Variants in RPS6KA2 observed in about 807,000 individuals in gnomAD.
The protein encoded by RPS6KA2 is ribosomal protein S6 kinase A2, also known as ribosomal protein S6 kinase alpha-2.
A neutral mutation model predicts 91.8 loss-of-function variants in RPS6KA2; 42 were observed. The ratio of observed to expected loss-of-function variants is 0.46; its 90% CI spans 0.36 to 0.59. The LOEUF (loss-of-function observed/expected upper bound fraction) is 0.59, where lower values mean the gene tolerates loss of function less well. Ranked by LOEUF, RPS6KA2 falls within the 20% of genes least tolerant of loss-of-function variation. RPS6KA2 has a pLI of 0.00. For synonymous variants in RPS6KA2, 414 were observed against 393.6 expected (o/e 1.05, Z -0.61); for missense variants, 798 against 978.5 (o/e 0.82, Z 2.46).
At chr6:166,606,014 T>TGA (rs1464369376) in intron 1 of RPS6KA2, among the ~76,000 whole-genome samples, 1 of 152,218 alleles carries the variant, frequency 6.6e-6, no homozygotes, top group African/African-American at 2.4e-5. Flanking sequence ...CAAAGCACCT[T>TGA]GATGAGTGTC....
At chr6:166,565,515 G>A (rs915984038) in intron 1 of RPS6KA2, among the ~76,000 whole-genome samples, 8 of 152,210 alleles carry the variant, frequency 5.3e-5, no homozygotes, top group Admixed American at 5.2e-4. Flanking sequence ...TGCCATCCAC[G>A]CTAGGGAACA....
Position 166,779,106 on chromosome 6 carries a change from C to T in RPS6KA2, c.123+79094G>A, listed in dbSNP as rs79593942. On this transcript the variant is annotated intron_variant, in intron 2 of 21. Coordinates refer to the RPS6KA2 transcript ENST00000503859. ...GGTGCGAGCTTTCTCACTGGCACTG[C>T]TTCAAAGATCAAAACATTGAACGTA... is the stretch of plus-strand genomic sequence containing the variant. 3.4e-4 allele frequency among the ~76,000 whole-genome samples: 52 copies of T among 152,330 alleles called. No homozygotes were observed. The East Asian group carries it at 8.1e-3, about 24-fold the overall frequency.
Position 166,563,117 on chromosome 6 carries a change from C to G in RPS6KA2, c.100-24333G>C, listed in dbSNP as rs1784391327. Reference sequence around the variant, plus strand: ...GTCCCTTCCAGTGTGTGGAAGAGATCCAGCCTGCAATGACTGGAGGGTGGG... The same window carrying G: ...GTCCCTTCCAGTGTGTGGAAGAGATGCAGCCTGCAATGACTGGAGGGTGGG... On this transcript the variant is annotated intron_variant, in intron 1 of 20. Transcript: ENST00000265678. This position sits in a 1 kb window ranked among gnomAD's most constrained non-coding sequence, Gnocchi z 4.1. 6.6e-6 allele frequency among the ~76,000 whole-genome samples: 1 copy of G among 152,178 alleles called. No individual in the cohort carries two copies. Among genetic ancestry groups the G allele is most frequent in the Admixed American group, 6.5e-5 (1 of 15,284 alleles).
rs1408796769 is a variant in RPS6KA2 at position 166,469,887 on chromosome 6, A to G, written c.926T>C (p.Val309Ala). The change falls in exon 11 of 21, where the codon GTG becomes GCG. Residue 309 changes from valine (V) to alanine (A), a missense_variant. Transcript: ENST00000265678. Reference sequence around the variant, plus strand: ...GAAGGGATGGCGCTTAATTTCCTCCACTCCGTCAATGCCAGCACCTGTCAA... The same window carrying G: ...GAAGGGATGGCGCTTAATTTCCTCCGCTCCGTCAATGCCAGCACCTGTCAA... ...CNRLGAGIDG[V>A]EEIKRHPFFV... 1 of 1,614,046 alleles carries G rather than the reference A, an allele frequency of 6.2e-7. No individual in the cohort carries two copies. Among genetic ancestry groups the G allele is most frequent in the East Asian group, 2.2e-5 (1 of 44,892 alleles).
intron 2 of RPS6KA2, among the ~76,000 whole-genome samples, chr6:166,691,600 G>A (rs16899301): frequency 0.08 from 12,117 of 152,022 alleles, 565 homozygotes; most frequent in Non-Finnish European, 0.11. Flanking sequence ...AGGGAGCTCC[G>A]ACCCTCTCCG....
chr6:166,537,463 G>A (rs187255502), intron 2 of RPS6KA2, among the ~76,000 whole-genome samples: 45 of 152,332 alleles, frequency 3.0e-4, no homozygotes, highest in Non-Finnish European at 5.1e-4. Context: ...ATATCAACTA[G>A]CCATATTAAA....
At chr6:166,793,210 C>A (rs1333059391) in intron 2 of RPS6KA2, among the ~76,000 whole-genome samples, 1 of 151,830 alleles carries the variant, frequency 6.6e-6, no homozygotes, top group African/African-American at 2.4e-5. Context: ...ACACCAATAA[C>A]AGACAAACAG....
rs9356489 is a variant in RPS6KA2 at position 166,494,642 on chromosome 6, C to T, written c.747+3866G>A. ...CACGCAGCCGGCCACCAGGTTTGCA[C>T]GTTCTTCTCCAGGTACCAGCTCCTA... On this transcript the variant is annotated intron_variant, in intron 8 of 20. Transcript: ENST00000265678. This position sits in a 1 kb window ranked among gnomAD's most constrained non-coding sequence, Gnocchi z 5.1. Among the ~76,000 whole-genome samples the T allele has an allele frequency of 0.031, 4,695 of 152,282 alleles. 138 individuals are homozygous for T. The highest frequency in any genetic ancestry group is 0.072 in the African/African-American group (2,988 of 41,544).
chr6:166,793,062 A>G (rs966041543), intron 2 of RPS6KA2, among the ~76,000 whole-genome samples: 3 of 151,946 alleles, frequency 2.0e-5, no homozygotes, highest in African/African-American at 4.8e-5. Context: ...AGGAAGTCAA[A>G]TTGTCCCTGT....
intron 1 of RPS6KA2, among the ~76,000 whole-genome samples, chr6:166,541,445 C>T (rs1231713479): frequency 6.6e-6 from 1 of 152,202 alleles, no homozygotes; most frequent in Non-Finnish European, 1.5e-5. Flanking sequence ...TCATGCAGTC[C>T]CATGGGTCCT....
intron 16 of RPS6KA2, among the ~76,000 whole-genome samples, chr6:166,424,556 G>A (rs1452556844): frequency 2.0e-5 from 3 of 152,242 alleles, no homozygotes; most frequent in Non-Finnish European, 2.9e-5. Context: ...CTGGGACCAA[G>A]AGCACTGCCT....
At chr6:166,861,472 C>T (rs1583187727) in intron 1 of RPS6KA2, among the ~76,000 whole-genome samples, 1 of 152,308 alleles carries the variant, frequency 6.6e-6, no homozygotes, top group South Asian at 2.1e-4. Context: ...CAGAGGTTTG[C>T]GTGTCCCCAG....
chr6:166,758,787 A>G (rs968880742), intron 2 of RPS6KA2, among the ~76,000 whole-genome samples: 3 of 152,258 alleles, frequency 2.0e-5, no homozygotes, highest in Non-Finnish European at 2.9e-5. Context: ...TGAAATGGAC[A>G]GAAATGACCT....
rs1183190791 is a variant in RPS6KA2 at position 166,639,332 on chromosome 6, C to T, written c.124-100548G>A. On this transcript the variant is annotated intron_variant, in intron 2 of 21. Transcript: ENST00000503859. The surrounding 1 kb of genome is among the most constrained non-coding windows in gnomAD (Gnocchi z 4.2). ...AGTTACTGAGATTTGTCAACTGTGC[C>T]TTCTACATGTTTTCCCCGTCTTGCC... Among the ~76,000 whole-genome samples, 2 of 152,172 alleles carry T rather than the reference C, an allele frequency of 1.3e-5. No individual in the cohort carries two copies. Among genetic ancestry groups the T allele is most frequent in the African/African-American group, 4.8e-5 (2 of 41,436 alleles).
chr6:166,806,523 AT>A (rs553507229), intron 2 of RPS6KA2, among the ~76,000 whole-genome samples: 203 of 152,348 alleles, frequency 1.3e-3, no homozygotes, highest in African/African-American at 4.7e-3. Context: ...AGAATTCTAT[AT>A]TCAGCAAAAC....
At chr6:166,842,028 C>G (rs1780494405) in intron 2 of RPS6KA2, among the ~76,000 whole-genome samples, 1 of 152,048 alleles carries the variant, frequency 6.6e-6, no homozygotes, top group South Asian at 2.1e-4. Flanking sequence ...GCAGGGAGGC[C>G]TCTACACACC....
At chr6:166,430,043 C>T (rs1204700652) in intron 16 of RPS6KA2, among the ~76,000 whole-genome samples, 5 of 151,640 alleles carry the variant, frequency 3.3e-5, no homozygotes, top group African/African-American at 9.7e-5. Flanking sequence ...CTGCAACCTC[C>T]GCCTCCTGGG....
intron 1 of RPS6KA2, among the ~76,000 whole-genome samples, chr6:166,613,567 C>T (rs1786276106): frequency 6.6e-6 from 1 of 152,188 alleles, no homozygotes; most frequent in African/African-American, 2.4e-5. Flanking sequence ...ATTTTTCTGT[C>T]ATGTATAGTG....
At chr6:166,744,517 G>A (rs1235925387) in intron 2 of RPS6KA2, among the ~76,000 whole-genome samples, 1 of 152,232 alleles carries the variant, frequency 6.6e-6, no homozygotes, top group Non-Finnish European at 1.5e-5. Context: ...AAACGGTGCT[G>A]GGCCTCAGCC....
Sources: gnomAD v4.1 joint callset for allele counts (sites outside exome capture counted in the v4.1 genomes callset) on GRCh38, gnomAD v4.1.1 for gene constraint, Gnocchi (gnomAD v3.1) non-coding constraint, MANE v1.5 for transcripts, NCBI Gene and HGNC (gene_info 2026-07-23, HGNC 2026-07-21) for gene names.